The following KLHDC4 variants were observed in gnomAD, a reference collection of about 807,000 sequenced individuals.
KLHDC4 encodes kelch domain containing 4.
KLHDC4 carries 90 observed loss-of-function variants against 62.4 expected under a neutral mutation model. The observed-to-expected ratio is 1.44, with a 90% CI of 1.22 to 1.72. KLHDC4 has a LOEUF of 1.72. Among genes scored for constraint, KLHDC4 ranks in the 40% most tolerant of loss-of-function variants. KLHDC4 has a pLI of 0.00. For missense variants in KLHDC4, 1,025 were observed against 699.7 expected (o/e 1.47, Z -5.25); for synonymous variants, 386 against 284.4 (o/e 1.36, Z -3.59).
chr16:87,749,440 G>A (rs1215243812), intron 4 of KLHDC4, among the ~76,000 whole-genome samples: 1 of 151,860 alleles, frequency 6.6e-6, no homozygotes, highest in Non-Finnish European at 1.5e-5. Flanking sequence ...TGTAGTCCCA[G>A]CTGCTTGGGA....
chr16:87,719,268 A>G (rs1188563029), intron 7 of KLHDC4, among the ~76,000 whole-genome samples: 1 of 152,238 alleles, frequency 6.6e-6, no homozygotes, highest in African/African-American at 2.4e-5. Context: ...TCAGATTGTT[A>G]CTGTGTCTGT....
At chr16:87,744,759 C>G (rs1251221668) in intron 5 of KLHDC4, among the ~76,000 whole-genome samples, 1 of 152,150 alleles carries the variant, frequency 6.6e-6, no homozygotes, top group African/African-American at 2.4e-5. Flanking sequence ...ATCAATGAAT[C>G]AGAAAAAACC....
chr16:87,748,833 C>A (rs2043441883), intron 4 of KLHDC4, 24 bp from the exon 5 acceptor site: 16 of 1,610,820 alleles, frequency 9.9e-6, no homozygotes, highest in African/African-American at 5.4e-5. Context: ...GGTGACAGGT[C>A]AGGGCACAGC....
At chr16:87,753,660 G>C (rs1286746001) in intron 4 of KLHDC4, among the ~76,000 whole-genome samples, 2 of 152,222 alleles carry the variant, frequency 1.3e-5, no homozygotes, top group Admixed American at 6.5e-5. Context: ...AATTACCTAG[G>C]CGTGGTGGCA....
intron 1 of KLHDC4, 99 bp downstream of exon 1, chr16:87,765,693 G>T: frequency 9.3e-6 from 11 of 1,177,334 alleles, no homozygotes; most frequent in Non-Finnish European, 1.3e-5. Flanking sequence ...GGGCCGGCGC[G>T]GCTCCCACGG....
intron 8 of KLHDC4, among the ~76,000 whole-genome samples, chr16:87,712,480 G>T (rs538552594): frequency 3.9e-5 from 6 of 152,222 alleles, no homozygotes; most frequent in African/African-American, 1.4e-4. Context: ...ACACACACAA[G>T]GTGTGTCGCT....
Position 87,708,462 on chromosome 16 carries a change from A to G in KLHDC4, c.1452T>C (p.Thr484=). The G allele has an allele frequency of 6.2e-7, 1 of 1,600,134 alleles. No individual in the cohort carries two copies. Among genetic ancestry groups the G allele is most frequent in the Non-Finnish European group, 8.5e-7 (1 of 1,172,588 alleles). ...WKALVEMDPE[T]QEWLEETDSE... ...AGTCCGTCTCCTCCAGCCACTCCTG[A>G]GTTTCTTCAAAAGCAGAATGAACGC... Residue 484 remains threonine (T), a synonymous_variant, in exon 11 of 12, where the codon ACT becomes ACC. Transcript: ENST00000270583.
At chr16:87,710,261 G>T (rs1350769020) in intron 9 of KLHDC4, 1 of 154,576 alleles carries the variant, frequency 6.5e-6, no homozygotes, top group Admixed American at 6.3e-5. Flanking sequence ...CGTCGCAGGG[G>T]TCAGTCTGGA....
intron 7 of KLHDC4, among the ~76,000 whole-genome samples, chr16:87,717,290 A>C (rs1427553288): frequency 6.6e-6 from 1 of 152,264 alleles, no homozygotes; most frequent in Admixed American, 6.5e-5. Flanking sequence ...GCTACCGGGT[A>C]GTATTGTTTC....
intron 2 of KLHDC4, among the ~76,000 whole-genome samples, chr16:87,759,431 A>G (rs1247365414): frequency 1.3e-5 from 2 of 151,282 alleles, no homozygotes; most frequent in Non-Finnish European, 2.9e-5. Context: ...AAAAGAAAAA[A>G]AGAAAAAAAA....
At chr16:87,728,978 T>C (rs1438499444) in intron 6 of KLHDC4, among the ~76,000 whole-genome samples, 1 of 152,118 alleles carries the variant, frequency 6.6e-6, no homozygotes, top group African/African-American at 2.4e-5. Context: ...GTTTTTGCCA[T>C]GTTGGCCAGG....
At chr16:87,752,637 C>A (rs12918318) in intron 4 of KLHDC4, among the ~76,000 whole-genome samples, 39,313 of 151,954 alleles carry the variant, frequency 0.26, 5,442 homozygotes, top group South Asian at 0.45. Flanking sequence ...GCCCAGCCCA[C>A]AGCACTGTTT....
At chr16:87,744,271 C>T (rs1045921364) in intron 5 of KLHDC4, among the ~76,000 whole-genome samples, 19 of 152,186 alleles carry the variant, frequency 1.2e-4, no homozygotes, top group Middle Eastern at 3.4e-3. Context: ...CAAAATTAGC[C>T]GGGCATGGTG....
At chr16:87,706,422 C>T (rs1470226706), downstream of KLHDC4, among the ~76,000 whole-genome samples, 4 of 140,000 alleles carry the variant, frequency 2.9e-5, no homozygotes, top group Non-Finnish European at 6.2e-5. Context: ...CAAGCTGCAG[C>T]CTCCAGGGGG....
intron 11 of KLHDC4, 94 bp from the exon 12 acceptor site, chr16:87,708,169 G>C: frequency 1.6e-6 from 1 of 625,658 alleles, no homozygotes; most frequent in South Asian, 1.8e-5. Flanking sequence ...GGTTTTCAGG[G>C]AAGACCTCAT....
At chr16:87,765,131 G>A (rs2046445420) in intron 1 of KLHDC4, 2 of 455,902 alleles carry the variant, frequency 4.4e-6, no homozygotes, top group Admixed American at 2.4e-5. Flanking sequence ...AACTGGCCCC[G>A]GTTAGGGAAT....
At chr16:87,738,123 G>GTCCA (rs2143010939) in intron 5 of KLHDC4, among the ~76,000 whole-genome samples, 1 of 152,248 alleles carries the variant, frequency 6.6e-6, no homozygotes. Context: ...AGCAGGGTGT[G>GTCCA]TCCATTCCTA....
At chr16:87,722,705 G>A (rs2038629458) in intron 7 of KLHDC4, among the ~76,000 whole-genome samples, 1 of 152,222 alleles carries the variant, frequency 6.6e-6, no homozygotes, top group South Asian at 2.1e-4. Flanking sequence ...GCCCTGCTGA[G>A]ACGAGGACCA....
At chr16:87,704,982 G>GCGAGGAGGAGCTGTGGCCCTGCTGC (rs1328718419), downstream of KLHDC4, among the ~76,000 whole-genome samples, 141 of 152,344 alleles carry the variant, frequency 9.3e-4, no homozygotes, top group African/African-American at 3.1e-3. Flanking sequence ...ACAAAGCCCT[G>GCGAGGAGGAGCTGTGGCCCTGCTGC]CGAGGAGGAG....
Sources: gnomAD v4.1 joint callset for allele counts (sites outside exome capture counted in the v4.1 genomes callset) on GRCh38, gnomAD v4.1.1 for gene constraint, MANE v1.5 for transcripts, NCBI Gene and HGNC (gene_info 2026-07-23, HGNC 2026-07-21) for gene names.